Variants in SPMIP2 observed in about 807,000 individuals in gnomAD.
The protein encoded by SPMIP2 is sperm microtubule inner protein 2, also known as protein SPMIP2.
the SPMIP2 span, among the ~76,000 whole-genome samples, chr4:158,976,511 A>G: frequency 6.6e-6 from 1 of 152,002 alleles, no homozygotes; most frequent in African/African-American, 2.4e-5. Context: ...GTTGAATTTT[A>G]TGGAAGGCCT....
the SPMIP2 span, among the ~76,000 whole-genome samples, chr4:158,998,465 C>T: frequency 6.6e-6 from 1 of 152,132 alleles, no homozygotes; most frequent in South Asian, 2.1e-4. Flanking sequence ...AAAGAACGTA[C>T]TTTTTATTTG....
the SPMIP2 span, among the ~76,000 whole-genome samples, chr4:159,005,155 C>CAGGAGGCGG: frequency 0.67 from 95,572 of 143,168 alleles, 31,998 homozygotes; most frequent in Middle Eastern, 0.72. Flanking sequence ...CCCTTGAACC[C>CAGGAGGCGG]AGGTTGCAGT....
At chr4:158,916,707 G>A in the SPMIP2 span, among the ~76,000 whole-genome samples, 6 of 152,232 alleles carry the variant, frequency 3.9e-5, no homozygotes, top group Admixed American at 2.6e-4. Flanking sequence ...GCAATGACAC[G>A]ATCTCTGCTC....
At chr4:158,921,441 C>T in the SPMIP2 span, among the ~76,000 whole-genome samples, 2 of 151,012 alleles carry the variant, frequency 1.3e-5, no homozygotes, top group Non-Finnish European at 2.9e-5. Context: ...GATTCCATCT[C>T]AAAATTTAAA....
chr4:158,968,977 A>C, the SPMIP2 span, among the ~76,000 whole-genome samples: 1 of 152,212 alleles, frequency 6.6e-6, no homozygotes, highest in East Asian at 1.9e-4. Flanking sequence ...CTCATATTAC[A>C]TATAAATATG....
the SPMIP2 span, among the ~76,000 whole-genome samples, chr4:158,944,350 T>A: frequency 1.3e-5 from 2 of 151,994 alleles, no homozygotes; most frequent in Non-Finnish European, 2.9e-5. Context: ...AAAGTAGACA[T>A]CTTATTTCTT....
chr4:159,063,353 G>A, the SPMIP2 span, among the ~76,000 whole-genome samples: 15 of 152,086 alleles, frequency 9.9e-5, no homozygotes. Flanking sequence ...GAGCTCAGGA[G>A]TTCGAGACCA....
the SPMIP2 span, among the ~76,000 whole-genome samples, chr4:158,992,262 G>A: frequency 1.7e-3 from 259 of 152,322 alleles, no homozygotes; most frequent in African/African-American, 5.8e-3. Context: ...TGGTGTGTGC[G>A]GGAGGGATCT....
chr4:158,995,250 A>G, the SPMIP2 span, among the ~76,000 whole-genome samples: 3 of 152,250 alleles, frequency 2.0e-5, no homozygotes, highest in South Asian at 2.1e-4. Flanking sequence ...TTTGTAGTCA[A>G]ACTTTCCTGT....
At chr4:158,995,210 C>G in the SPMIP2 span, among the ~76,000 whole-genome samples, 1 of 152,162 alleles carries the variant, frequency 6.6e-6, no homozygotes, top group East Asian at 1.9e-4. Flanking sequence ...GAGTCCCGTG[C>G]CTGGACTTTG....
the SPMIP2 span, among the ~76,000 whole-genome samples, chr4:158,986,659 A>G: frequency 6.6e-6 from 1 of 152,160 alleles, no homozygotes; most frequent in Non-Finnish European, 1.5e-5. Context: ...TAAATATTAG[A>G]CCTAAAACCA....
chr4:158,902,398 C>A, the SPMIP2 span, among the ~76,000 whole-genome samples: 1 of 152,204 alleles, frequency 6.6e-6, no homozygotes, highest in African/African-American at 2.4e-5. Flanking sequence ...CCAGCCAGAG[C>A]TCTCCTGTAT....
chr4:159,076,887 G>A, the SPMIP2 span, among the ~76,000 whole-genome samples: 1 of 151,734 alleles, frequency 6.6e-6, no homozygotes, highest in Non-Finnish European at 1.5e-5. Context: ...CCAGGCTGGA[G>A]TGTAATGGTG....
At chr4:158,911,135 G>T in the SPMIP2 span, among the ~76,000 whole-genome samples, 2 of 152,068 alleles carry the variant, frequency 1.3e-5, no homozygotes, top group African/African-American at 4.8e-5. Flanking sequence ...GTGTTGCAAA[G>T]AATTGGAAAA....
At chr4:159,009,644 G>A in the SPMIP2 span, among the ~76,000 whole-genome samples, 351 of 152,130 alleles carry the variant, frequency 2.3e-3, 1 homozygote, top group Non-Finnish European at 3.8e-3. Flanking sequence ...CCATGTTTCC[G>A]TTGCTATTGA....
chr4:159,048,088 G>A, the SPMIP2 span, among the ~76,000 whole-genome samples: 1 of 152,162 alleles, frequency 6.6e-6, no homozygotes, highest in African/African-American at 2.4e-5. Context: ...AGTCTGTAAA[G>A]GTACTGTTTT....
chr4:158,982,224 A>T, the SPMIP2 span, among the ~76,000 whole-genome samples: 2 of 152,330 alleles, frequency 1.3e-5, no homozygotes, highest in East Asian at 3.9e-4. Flanking sequence ...TTCATAAAGC[A>T]AGTTCTTAGA....
the SPMIP2 span, among the ~76,000 whole-genome samples, chr4:158,923,664 A>G: frequency 6.6e-6 from 1 of 152,174 alleles, no homozygotes; most frequent in Non-Finnish European, 1.5e-5. Flanking sequence ...GCAACTAGAG[A>G]TAGTATTACT....
the SPMIP2 span, among the ~76,000 whole-genome samples, chr4:158,947,717 C>T: frequency 4.6e-5 from 7 of 151,500 alleles, no homozygotes; most frequent in Non-Finnish European, 1.0e-4. Context: ...AAAAGTAGAA[C>T]AAAAAGTCCG....
Sources: gnomAD v4.1 joint callset for allele counts (sites outside exome capture counted in the v4.1 genomes callset) on GRCh38, gnomAD v4.1.1 for gene constraint, MANE v1.5 for transcripts, NCBI Gene and HGNC (gene_info 2026-07-23, HGNC 2026-07-21) for gene names.